The following CACNA1E variants were observed in gnomAD, a reference collection of about 807,000 sequenced individuals.
The protein encoded by CACNA1E is calcium voltage-gated channel subunit alpha1 E, also known as voltage-dependent R-type calcium channel subunit alpha-1E.
A neutral mutation model predicts 259.2 loss-of-function variants in CACNA1E; 40 were observed. That is an observed-to-expected ratio of 0.15 (90% CI 0.12 to 0.20). The LOEUF is 0.20. Among genes scored for constraint, CACNA1E ranks in the 10% least tolerant of loss-of-function variants. CACNA1E has a pLI of 1.00. For missense variants in CACNA1E, 1,874 were observed against 3,040.1 expected (o/e 0.62, Z 9.02); for synonymous variants, 1,104 against 1,138.5 (o/e 0.97, Z 0.61).
chr1:181,794,909 C>T lies in CACNA1E; in HGVS notation c.6073C>T (p.Arg2025Trp), dbSNP rs541743081. The change falls in exon 46 of 48, where the codon CGG (arginine) becomes TGG (tryptophan). Residue 2025 changes from arginine to tryptophan, a missense_variant. Arg to Trp is a moderately radical substitution (Grantham distance 101). Around this residue, in one of 14 missense-constraint regions of CACNA1E, gnomAD observed 542 missense variants for 587.2 expected, o/e 0.92. Coordinates refer to ENST00000367573, the MANE Select transcript of CACNA1E (RefSeq NM_001205293.3). ...SSMRRSFSTIRDKRSNSSWLE... is the reference protein window; with the variant it reads ...SSMRRSFSTIWDKRSNSSWLE... ...CATGAGACGTTCATTTTCCACTATT[C>T]GGGATAAGCGTTCAAATTCCTCGTG... is the stretch of plus-strand genomic sequence containing the variant. The T allele has an allele frequency of 1.9e-6, 3 of 1,613,782 alleles. No individual in the cohort carries two copies. The highest frequency in any genetic ancestry group is 2.5e-6 in the Non-Finnish European group (3 of 1,179,764).
At chr1:181,578,608 A>C (rs1440583589) in intron 4 of CACNA1E, among the ~76,000 whole-genome samples, 4 of 152,224 alleles carry the variant, frequency 2.6e-5, no homozygotes, top group African/African-American at 9.6e-5. Context: ...TTATTTAGCC[A>C]TTTTTATGTT....
intron 3 of CACNA1E, among the ~76,000 whole-genome samples, chr1:181,533,770 T>TA (rs1419132386): frequency 4.6e-5 from 7 of 152,254 alleles, no homozygotes; most frequent in African/African-American, 1.7e-4. Flanking sequence ...TTTTTCCACT[T>TA]ATGACTTGCG....
chr1:181,319,908 C>T (rs989932528), intron 1 of CACNA1E, among the ~76,000 whole-genome samples: 2 of 152,354 alleles, frequency 1.3e-5, no homozygotes, highest in East Asian at 3.9e-4. Context: ...AATCTCTGTC[C>T]TTTGATGAAC....
At chr1:181,367,022 A>G (rs1654322082) in intron 1 of CACNA1E, among the ~76,000 whole-genome samples, 1 of 152,178 alleles carries the variant, frequency 6.6e-6, no homozygotes, top group Non-Finnish European at 1.5e-5. Flanking sequence ...TTCCCTGCCT[A>G]ACGTGTCCTA....
intron 1 of CACNA1E, among the ~76,000 whole-genome samples, chr1:181,372,938 T>G (rs1299822712): frequency 6.6e-6 from 1 of 151,970 alleles, no homozygotes; most frequent in Non-Finnish European, 1.5e-5. Flanking sequence ...ATGAATCACG[T>G]TTATTGATTT....
At chr1:181,745,831 C>A (rs1657026686) in intron 25 of CACNA1E, among the ~76,000 whole-genome samples, 1 of 152,136 alleles carries the variant, frequency 6.6e-6, no homozygotes, top group African/African-American at 2.4e-5. Context: ...CACTGTTCAC[C>A]AGATTGAATA....
chr1:181,535,172 T>C (rs1668076163), intron 3 of CACNA1E, among the ~76,000 whole-genome samples: 1 of 152,182 alleles, frequency 6.6e-6, no homozygotes, highest in Non-Finnish European at 1.5e-5. Flanking sequence ...TTCCAACTGG[T>C]TTTGAACAAA....
chr1:181,630,764 G>C (rs1358792605), intron 6 of CACNA1E, among the ~76,000 whole-genome samples: 1 of 152,130 alleles, frequency 6.6e-6, no homozygotes, highest in Non-Finnish European at 1.5e-5. Context: ...TTAGAGTGGG[G>C]GATAGGGCCT....
At chr1:181,715,210 C>G in intron 8 of CACNA1E, 128 bp from the exon 9 acceptor site, 2 of 635,450 alleles carry the variant, frequency 3.1e-6, no homozygotes, top group Non-Finnish European at 5.7e-6. Context: ...GATGCTGGTG[C>G]CTGTGACAGG....
At chr1:181,768,913 A>G (rs1216819851) in intron 35 of CACNA1E, among the ~76,000 whole-genome samples, 1 of 152,258 alleles carries the variant, frequency 6.6e-6, no homozygotes, top group African/African-American at 2.4e-5. Flanking sequence ...TTGGAAAAAT[A>G]TTAATAGCAA....
chr1:181,777,187 G>T lies in CACNA1E; in HGVS notation c.5267+959G>T, dbSNP rs536674513. ...TTTTGGCCCTCATGGCTGAGGACAA[G>T]GTGAGAGTTCTATGAATGCTTACTC... On this transcript the variant is annotated intron_variant, in intron 38 of 47. Transcript: ENST00000367573. Among the ~76,000 whole-genome samples the T allele has an allele frequency of 2.0e-5, 3 of 152,324 alleles. No individual in the cohort carries two copies. The South Asian group carries it at 6.2e-4, about 32-fold the overall frequency.
intron 6 of CACNA1E, among the ~76,000 whole-genome samples, chr1:181,610,682 T>C (rs1347029581): frequency 1.3e-5 from 2 of 152,226 alleles, no homozygotes; most frequent in East Asian, 1.9e-4. Flanking sequence ...AGAGATGTCC[T>C]GAGGCTCAAG....
chr1:181,729,896 C>T (rs1041677897), intron 18 of CACNA1E, among the ~76,000 whole-genome samples: 2 of 152,208 alleles, frequency 1.3e-5, no homozygotes, highest in Non-Finnish European at 2.9e-5. Context: ...CTGTCTAAAG[C>T]GTACGCTTCT....
chr1:181,484,114 A>G, intron 1 of CACNA1E, 104 bp downstream of exon 1: 1 of 1,202,510 alleles, frequency 8.3e-7, no homozygotes, highest in East Asian at 2.4e-5. Flanking sequence ...CCTGGTGCCA[A>G]TTTGCCCCTT....
At chr1:181,498,397 C>G (rs1297476295) in intron 1 of CACNA1E, among the ~76,000 whole-genome samples, 1 of 152,202 alleles carries the variant, frequency 6.6e-6, no homozygotes, top group Non-Finnish European at 1.5e-5. Context: ...GCGAATCCAA[C>G]TGGTCATGGA....
At chr1:181,565,329 G>A (rs954018464) in intron 3 of CACNA1E, among the ~76,000 whole-genome samples, 1 of 152,178 alleles carries the variant, frequency 6.6e-6, no homozygotes, top group Non-Finnish European at 1.5e-5. Flanking sequence ...ATAGGCCTTG[G>A]GAATTGCAGA....
At chr1:181,689,829 T>C (rs193036916) in intron 7 of CACNA1E, among the ~76,000 whole-genome samples, 201 of 152,200 alleles carry the variant, frequency 1.3e-3, no homozygotes, top group African/African-American at 4.7e-3. Flanking sequence ...GGGGTTGTTT[T>C]TTTTCTTGTA....
intron 3 of CACNA1E, among the ~76,000 whole-genome samples, chr1:181,548,433 C>T (rs1340535891): frequency 1.3e-5 from 2 of 152,130 alleles, no homozygotes; most frequent in Non-Finnish European, 2.9e-5. Context: ...GCCTCCATAA[C>T]ACTTTATTAG....
intron 2 of CACNA1E, among the ~76,000 whole-genome samples, chr1:181,470,725 A>T (rs892265063): frequency 3.9e-5 from 6 of 152,016 alleles, no homozygotes; most frequent in African/African-American, 1.2e-4. Context: ...AGGTAAAGGG[A>T]CTTTTTATCT....
Sources: gnomAD v4.1 joint callset for allele counts (sites outside exome capture counted in the v4.1 genomes callset) on GRCh38, gnomAD v4.1.1 for gene constraint, gnomAD v4.1.1 regional missense constraint, MANE v1.5 for transcripts, NCBI Gene and HGNC (gene_info 2026-07-23, HGNC 2026-07-21) for gene names.